The following SYN3 variants were observed in gnomAD, a reference collection of about 807,000 sequenced individuals.
SYN3 encodes synapsin-3.
In SYN3, 35 loss-of-function variants were observed where a neutral mutation model predicts 65.8. That is an observed-to-expected ratio of 0.53 (90% CI 0.41 to 0.70). SYN3 has a LOEUF of 0.70. SYN3 is among the 30% of genes least tolerant of loss of function. The pLI is 0.00. For synonymous variants in SYN3, 270 were observed against 292.9 expected (o/e 0.92, Z 0.80); for missense variants, 680 against 749.0 (o/e 0.91, Z 1.08).
intron 6 of SYN3, among the ~76,000 whole-genome samples, chr22:32,802,540 G>T (rs544068930): frequency 6.6e-6 from 1 of 151,552 alleles, no homozygotes; most frequent in South Asian, 2.1e-4. Context: ...TGCCCGCCAT[G>T]TGCACGGAAA....
intron 7 of SYN3, among the ~76,000 whole-genome samples, chr22:32,566,161 CG>C: frequency 6.6e-6 from 1 of 151,770 alleles, no homozygotes; most frequent in Middle Eastern, 3.4e-3. Flanking sequence ...TTGTTTAACC[CG>C]ATATAAAAAA....
At chr22:32,864,892 A>G in intron 6 of SYN3, 23 bp downstream of exon 6, 1 of 1,601,936 alleles carries the variant, frequency 6.2e-7, no homozygotes, top group Non-Finnish European at 8.6e-7. Context: ...ATGCAAAGAA[A>G]CAGAGTAAAA....
chr22:32,730,984 A>T (rs2061263091), intron 6 of SYN3, among the ~76,000 whole-genome samples: 1 of 152,134 alleles, frequency 6.6e-6, no homozygotes, highest in African/African-American at 2.4e-5. Flanking sequence ...TGGACAAGGC[A>T]TGTCACCAGA....
intron 6 of SYN3, among the ~76,000 whole-genome samples, chr22:32,742,851 C>A (rs1327144435): frequency 6.6e-6 from 1 of 152,172 alleles, no homozygotes; most frequent in African/African-American, 2.4e-5. Context: ...GCAACACTAG[C>A]AACAAAAACA....
At chr22:32,711,045 G>A (rs536451713) in intron 6 of SYN3, among the ~76,000 whole-genome samples, 1 of 152,286 alleles carries the variant, frequency 6.6e-6, no homozygotes, top group South Asian at 2.1e-4. Context: ...AAAGGGAGCT[G>A]TCCTACCCAC....
At chr22:32,871,927 C>T (rs1363579636) in intron 4 of SYN3, among the ~76,000 whole-genome samples, 1 of 151,984 alleles carries the variant, frequency 6.6e-6, no homozygotes, top group Non-Finnish European at 1.5e-5. Context: ...CCTACCCAGC[C>T]TTCCATCCTC....
At chr22:32,670,594 G>A (rs1194924339) in intron 6 of SYN3, among the ~76,000 whole-genome samples, 1 of 152,200 alleles carries the variant, frequency 6.6e-6, no homozygotes, top group Non-Finnish European at 1.5e-5. Context: ...CACAAGGTGA[G>A]TTTTGTATCT....
chr22:32,970,098 A>G (rs960141763), intron 3 of SYN3, among the ~76,000 whole-genome samples: 7 of 152,228 alleles, frequency 4.6e-5, no homozygotes, highest in Non-Finnish European at 1.0e-4. Context: ...AGCTGATCAT[A>G]AAAATAGTTC....
intron 6 of SYN3, among the ~76,000 whole-genome samples, chr22:32,680,531 T>C (rs1180239850): frequency 6.6e-6 from 1 of 152,190 alleles, no homozygotes; most frequent in Non-Finnish European, 1.5e-5. Flanking sequence ...CTGACAGCAC[T>C]CTCACACCGT....
chr22:32,528,939 C>G lies in SYN3; in HGVS notation c.1165G>C (p.Val389Leu), dbSNP rs1295835023. Residue 389 changes from valine (V) to leucine (L), a missense_variant, in exon 11 of 14, where the codon GTT becomes CTT. Coordinates refer to ENST00000358763, the MANE Select transcript of SYN3 (RefSeq NM_003490.4). ...GGGAGCTGGCTCATTTTGGAGACAACAAGGTCGGCCATCAGCTGTCTGTCC... is the reference window on the plus strand; with the variant it reads ...GGGAGCTGGCTCATTTTGGAGACAAGAAGGTCGGCCATCAGCTGTCTGTCC... ...EEDRQLMADL[V>L]VSKMSQLPMP... is the part of the protein sequence containing the mutation. The G allele has an allele frequency of 3.7e-6, 6 of 1,613,992 alleles. No homozygotes were observed. Among genetic ancestry groups the G allele is most frequent in the Non-Finnish European group, 5.1e-6 (6 of 1,180,048 alleles).
chr22:32,566,003 C>T (rs747351780), intron 7 of SYN3, among the ~76,000 whole-genome samples: 7 of 152,110 alleles, frequency 4.6e-5, no homozygotes, highest in Middle Eastern at 3.4e-3. Context: ...TAAGCCACCG[C>T]GCCCAGCCTA....
intron 4 of SYN3, among the ~76,000 whole-genome samples, chr22:32,882,882 T>C (rs1423027978): frequency 6.6e-6 from 1 of 152,150 alleles, no homozygotes; most frequent in Non-Finnish European, 1.5e-5. Context: ...CCACTTCTCC[T>C]CAGAAGGCTT....
At chr22:32,729,746 C>T (rs1223244156) in intron 6 of SYN3, among the ~76,000 whole-genome samples, 2 of 152,188 alleles carry the variant, frequency 1.3e-5, no homozygotes, top group Non-Finnish European at 2.9e-5. Context: ...AAGTATGATC[C>T]ATTTTCACTG....
chr22:32,929,141 G>A (rs1340861627), intron 4 of SYN3, among the ~76,000 whole-genome samples: 1 of 152,128 alleles, frequency 6.6e-6, no homozygotes, highest in Admixed American at 6.5e-5. Flanking sequence ...AATTAGCCTG[G>A]TGTGGTGGTG....
chr22:32,526,637 T>G (rs1250933237), intron 12 of SYN3, among the ~76,000 whole-genome samples: 1 of 152,148 alleles, frequency 6.6e-6, no homozygotes, highest in African/African-American at 2.4e-5. Context: ...TGCCTCAGCC[T>G]CCCGAGTAGC....
intron 7 of SYN3, among the ~76,000 whole-genome samples, chr22:32,592,317 C>T (rs1200533401): frequency 6.6e-6 from 1 of 152,190 alleles, no homozygotes; most frequent in Admixed American, 6.5e-5. Flanking sequence ...ATCCAAATGC[C>T]TCCTGCCCGG....
chr22:32,714,312 C>T (rs1481020646), intron 6 of SYN3, among the ~76,000 whole-genome samples: 1 of 152,194 alleles, frequency 6.6e-6, no homozygotes, highest in Non-Finnish European at 1.5e-5. Context: ...AGGTCACTTC[C>T]ACTCTGTGGA....
intron 6 of SYN3, among the ~76,000 whole-genome samples, chr22:32,805,238 TG>T (rs930765544): frequency 5.3e-5 from 8 of 152,100 alleles, no homozygotes; most frequent in African/African-American, 1.9e-4. Context: ...GAGGCTCAGC[TG>T]GGGGGCCGGC....
At chr22:32,811,865 T>C (rs1032239741) in intron 6 of SYN3, among the ~76,000 whole-genome samples, 1 of 152,136 alleles carries the variant, frequency 6.6e-6, no homozygotes, top group Non-Finnish European at 1.5e-5. Context: ...ACAGCTCCCA[T>C]TGATAAGCAG....
Sources: gnomAD v4.1 joint callset for allele counts (sites outside exome capture counted in the v4.1 genomes callset) on GRCh38, gnomAD v4.1.1 for gene constraint, MANE v1.5 for transcripts, NCBI Gene and HGNC (gene_info 2026-07-23, HGNC 2026-07-21) for gene names.